Variants in FHIT observed in about 807,000 individuals in gnomAD.
FHIT encodes the protein bis(5'-adenosyl)-triphosphatase.
Under a neutral mutation model 17.9 loss-of-function variants are expected in FHIT, and 19 were observed. The ratio of observed to expected loss-of-function variants is 1.06; its 90% CI spans 0.74 to 1.56. FHIT has a LOEUF of 1.56. Among genes scored for constraint, FHIT ranks in the 40% most tolerant of loss-of-function variants. FHIT has a pLI of 0.00. For missense variants in FHIT, 248 were observed against 189.2 expected (o/e 1.31, Z -1.82); for synonymous variants, 81 against 69.7 (o/e 1.16, Z -0.81).
chr3:59,795,619 G>C (rs1176702089), intron 8 of FHIT, among the ~76,000 whole-genome samples: 1 of 152,010 alleles, frequency 6.6e-6, no homozygotes, highest in East Asian at 1.9e-4. Context: ...AGCTACTCAG[G>C]AGACTGAGGT....
intron 5 of FHIT, among the ~76,000 whole-genome samples, chr3:60,413,809 G>C (rs1237964737): frequency 6.6e-6 from 1 of 152,084 alleles, no homozygotes; most frequent in African/African-American, 2.4e-5. Flanking sequence ...CATAACCTCA[G>C]TCACTTCATA....
intron 3 of FHIT, among the ~76,000 whole-genome samples, chr3:60,943,654 C>T (rs978795490): frequency 1.3e-5 from 2 of 152,146 alleles, no homozygotes; most frequent in Non-Finnish European, 2.9e-5. Flanking sequence ...AATTAATCTA[C>T]AGCTTCCTAA....
chr3:60,537,808 A>C (rs1205848444), intron 4 of FHIT, among the ~76,000 whole-genome samples: 3 of 152,198 alleles, frequency 2.0e-5, no homozygotes, highest in Non-Finnish European at 4.4e-5. Flanking sequence ...ACTAAGACAC[A>C]CTTTGTGAAT....
chr3:60,627,703 T>C (rs1402413966), intron 4 of FHIT, among the ~76,000 whole-genome samples: 1 of 152,164 alleles, frequency 6.6e-6, no homozygotes, highest in African/African-American at 2.4e-5. Flanking sequence ...TTCGTATTTT[T>C]AGTAGAGACG....
chr3:61,247,534 TCAG>T (rs2106951535), intron 1 of FHIT, among the ~76,000 whole-genome samples: 1 of 152,282 alleles, frequency 6.6e-6, no homozygotes, highest in African/African-American at 2.4e-5. Flanking sequence ...CAGGGGCCTC[TCAG>T]CAGGCAGTAC....
At chr3:60,077,616 GACATA>G in intron 5 of FHIT, 1 of 150,362 alleles carries the variant, frequency 6.7e-6, no homozygotes, top group Non-Finnish European at 1.5e-5. Flanking sequence ...GCTAAATAGG[GACATA>G]AAATAAAATA....
chr3:60,542,082 C>T (rs933082427), intron 4 of FHIT, among the ~76,000 whole-genome samples: 2 of 152,184 alleles, frequency 1.3e-5, no homozygotes, highest in Non-Finnish European at 2.9e-5. Context: ...GTCAAAAATA[C>T]ACAGGGCCCT....
intron 7 of FHIT, among the ~76,000 whole-genome samples, chr3:59,985,515 C>A (rs1003928511): frequency 1.3e-4 from 20 of 152,246 alleles, no homozygotes; most frequent in African/African-American, 4.6e-4. Flanking sequence ...GAATCTTGAA[C>A]ATCTATGTAC....
At chr3:60,541,628 C>T (rs1240549551) in intron 4 of FHIT, among the ~76,000 whole-genome samples, 1 of 152,192 alleles carries the variant, frequency 6.6e-6, no homozygotes, top group East Asian at 1.9e-4. Context: ...CAGAGTAATA[C>T]TGCTATTAGT....
chr3:61,219,319 A>C (rs541941315), intron 1 of FHIT, among the ~76,000 whole-genome samples: 82 of 138,182 alleles, frequency 5.9e-4, no homozygotes, highest in African/African-American at 2.1e-3. Flanking sequence ...CTTTGTGTAA[A>C]TCTAAAAATG....
intron 3 of FHIT, among the ~76,000 whole-genome samples, chr3:60,926,562 T>G (rs1196527890): frequency 1.3e-5 from 2 of 152,194 alleles, no homozygotes; most frequent in Non-Finnish European, 2.9e-5. Flanking sequence ...AAGCAGTGTG[T>G]AGAGGGAAAT....
chr3:61,141,834 T>A (rs1483967308), intron 2 of FHIT, among the ~76,000 whole-genome samples: 1 of 151,578 alleles, frequency 6.6e-6, no homozygotes, highest in Non-Finnish European at 1.5e-5. Context: ...TCGTACCAGT[T>A]CCCAGCAATA....
At chr3:60,820,162 G>C (rs1553738876) in intron 4 of FHIT, among the ~76,000 whole-genome samples, 1 of 151,962 alleles carries the variant, frequency 6.6e-6, no homozygotes, top group East Asian at 1.9e-4. Flanking sequence ...ACAAAAATTA[G>C]GTGGGCCTGG....
At chr3:59,782,942 T>C (rs1428518771) in intron 8 of FHIT, among the ~76,000 whole-genome samples, 4 of 152,150 alleles carry the variant, frequency 2.6e-5, no homozygotes, top group East Asian at 3.9e-4. Context: ...TGTGGTACCA[T>C]GGTGCTAGTG....
intron 3 of FHIT, among the ~76,000 whole-genome samples, chr3:61,010,078 C>T (rs1015189492): frequency 2.0e-5 from 3 of 152,088 alleles, no homozygotes; most frequent in African/African-American, 7.2e-5. Context: ...CAACAAGCCT[C>T]AATGTTCTAA....
intron 5 of FHIT, among the ~76,000 whole-genome samples, chr3:60,088,057 G>C (rs965547378): frequency 1.3e-5 from 2 of 152,166 alleles, no homozygotes; most frequent in African/African-American, 4.8e-5. Context: ...TACACTCATG[G>C]TGGAAGATGA....
chr3:60,491,564 G>A (rs1170785382), intron 5 of FHIT, among the ~76,000 whole-genome samples: 4 of 152,134 alleles, frequency 2.6e-5, no homozygotes, highest in South Asian at 2.1e-4. Flanking sequence ...CATATAACAT[G>A]CCAGCTTAAT....
intron 5 of FHIT, among the ~76,000 whole-genome samples, chr3:60,272,613 G>C (rs1376023827): frequency 2.2e-4 from 34 of 152,178 alleles, no homozygotes; most frequent in Admixed American, 2.2e-3. Context: ...GAATACTCTT[G>C]AAGTTCTGAA....
chr3:59,929,902 C>G (rs1008198069), intron 7 of FHIT, among the ~76,000 whole-genome samples: 3 of 150,654 alleles, frequency 2.0e-5, no homozygotes, highest in African/African-American at 7.3e-5. Context: ...GACAAAAACC[C>G]TGAAGCAAGG....
Sources: gnomAD v4.1 joint callset for allele counts (sites outside exome capture counted in the v4.1 genomes callset) on GRCh38, gnomAD v4.1.1 for gene constraint, MANE v1.5 for transcripts, NCBI Gene and HGNC (gene_info 2026-07-23, HGNC 2026-07-21) for gene names.